Variants in GRIN2B observed in about 807,000 individuals in gnomAD.
GRIN2B encodes glutamate ionotropic receptor NMDA type subunit 2B.
Under a neutral mutation model 114.5 loss-of-function variants are expected in GRIN2B, and 5 were observed. The ratio of observed to expected loss-of-function variants is 0.04; its 90% confidence interval spans 0.02 to 0.09. The LOEUF (loss-of-function observed/expected upper bound fraction) is 0.09. GRIN2B is among the 10% of genes least tolerant of loss of function. GRIN2B has a pLI of 1.00. For missense variants in GRIN2B, 1,108 were observed against 1,943.5 expected, an observed-to-expected ratio of 0.57 and a Z score of 8.08; for synonymous variants, 787 against 745.1, an observed-to-expected ratio of 1.06 and a Z score of -0.92.
intron 3 of GRIN2B, among the ~76,000 whole-genome samples, chr12:13,808,154 G>A (rs767285313): frequency 1.1e-4 from 16 of 151,874 alleles, no homozygotes; most frequent in Non-Finnish European, 1.8e-4. Flanking sequence ...GGACAATAGC[G>A]GACATTCTCT....
At chr12:13,833,703 G>T (rs1865195434) in intron 3 of GRIN2B, among the ~76,000 whole-genome samples, 1 of 152,138 alleles carries the variant, frequency 6.6e-6, no homozygotes, top group African/African-American at 2.4e-5. Flanking sequence ...AACCGAAGGG[G>T]CTCAACAGCC....
intron 2 of GRIN2B, among the ~76,000 whole-genome samples, chr12:13,878,381 C>T (rs1374021240): frequency 6.6e-6 from 1 of 152,204 alleles, no homozygotes; most frequent in African/African-American, 2.4e-5. Context: ...GAAATTGCTC[C>T]CACCTTCCTC....
intron 2 of GRIN2B, among the ~76,000 whole-genome samples, chr12:13,942,604 T>C (rs911540621): frequency 6.6e-6 from 1 of 152,234 alleles, no homozygotes; most frequent in Admixed American, 6.5e-5. Context: ...AATTAATTAA[T>C]GATATCCTAA....
intron 3 of GRIN2B, among the ~76,000 whole-genome samples, chr12:13,777,876 T>A (rs913004113): frequency 6.6e-6 from 1 of 152,240 alleles, no homozygotes; most frequent in African/African-American, 2.4e-5. Context: ...CTAAATTTTT[T>A]ACAATATCTG....
intron 2 of GRIN2B, among the ~76,000 whole-genome samples, chr12:13,912,287 G>A (rs1866638700): frequency 6.6e-6 from 1 of 152,242 alleles, no homozygotes; most frequent in South Asian, 2.1e-4. Context: ...AGCAGAGAGA[G>A]AGAAGCAAAA....
intron 5 of GRIN2B, among the ~76,000 whole-genome samples, chr12:13,654,739 A>C (rs549063754): frequency 6.6e-6 from 1 of 152,242 alleles, no homozygotes; most frequent in African/African-American, 2.4e-5. Flanking sequence ...TGCTCTTCTC[A>C]GGTGGTATTG....
intron 10 of GRIN2B, among the ~76,000 whole-genome samples, chr12:13,578,102 T>C (rs1948801562): frequency 6.6e-6 from 1 of 152,186 alleles, no homozygotes; most frequent in African/African-American, 2.4e-5. Flanking sequence ...CAATCTTTTG[T>C]AGAGATAAGG....
intron 3 of GRIN2B, among the ~76,000 whole-genome samples, chr12:13,764,196 A>AAG (rs1863733746): frequency 6.6e-6 from 1 of 152,090 alleles, no homozygotes; most frequent in East Asian, 1.9e-4. Flanking sequence ...AAAAAAAAAA[A>AAG]AAAAGGATAT....
intron 11 of GRIN2B, 61 bp from the exon 12 acceptor site, chr12:13,570,078 G>T: frequency 8.7e-7 from 1 of 1,147,326 alleles, no homozygotes; most frequent in Non-Finnish European, 1.3e-6. Context: ...CTACCTGTGG[G>T]GCCATTAATA....
At position 13,837,839 on chromosome 12, in the gene GRIN2B, G is replaced by A. The variant is rs189967361; in HGVS notation, c.411+27959C>T. On this transcript the variant is annotated intron_variant, in intron 3 of 13. Coordinates refer to ENST00000609686, the MANE Select transcript of GRIN2B (RefSeq NM_000834.5). ...ATTTATTTGGGATGGCTGCTATGGT[G>A]TGGGGAGAGGAAGGGGTTATAGCTG... Among the ~76,000 whole-genome samples, 309 of 152,312 alleles carry A rather than the reference G, an allele frequency of 2.0e-3. 4 individuals are homozygous for A. Among genetic ancestry groups the A allele is most frequent in the Middle Eastern group, 0.01 (3 of 294 alleles).
chr12:13,594,956 C>T (rs112969010), intron 10 of GRIN2B, among the ~76,000 whole-genome samples: 10 of 152,268 alleles, frequency 6.6e-5, no homozygotes, highest in African/African-American at 2.4e-4. Flanking sequence ...GGAAATGCCC[C>T]TTACTACTGC....
chr12:13,739,374 C>CAAAAAAAAAAAAAAAAAAAAA (rs34320563), intron 4 of GRIN2B, among the ~76,000 whole-genome samples: 4 of 59,364 alleles, frequency 6.7e-5, no homozygotes, highest in Non-Finnish European at 1.1e-4. Flanking sequence ...AACTCCGTCT[C>CAAAAAAAAAAAAAAAAAAAAA]AAAAAAAAAA....
chr12:13,720,268 C>CT (rs1385895577), intron 4 of GRIN2B, among the ~76,000 whole-genome samples: 25 of 152,128 alleles, frequency 1.6e-4, no homozygotes, highest in Admixed American at 3.3e-4. Context: ...ACCAAGCAGT[C>CT]TTTTTCTTAC....
intron 5 of GRIN2B, among the ~76,000 whole-genome samples, chr12:13,657,939 C>T (rs901099961): frequency 6.6e-6 from 1 of 152,122 alleles, no homozygotes; most frequent in African/African-American, 2.4e-5. Context: ...GGCACAGTGG[C>T]TTACGCCTGT....
At chr12:13,852,051 A>G (rs1388083049) in intron 3 of GRIN2B, among the ~76,000 whole-genome samples, 2 of 152,202 alleles carry the variant, frequency 1.3e-5, no homozygotes, top group East Asian at 1.9e-4. Flanking sequence ...CTTGCTCCCT[A>G]CTACTCTGGA....
intron 13 of GRIN2B, among the ~76,000 whole-genome samples, chr12:13,566,463 C>G (rs1301389400): frequency 6.6e-6 from 1 of 152,162 alleles, no homozygotes; most frequent in African/African-American, 2.4e-5. Context: ...AAAGAATGAC[C>G]TAAGAGTTTT....
chr12:13,537,495 A>G lies in GRIN2B; in HGVS notation c.*25288T>C, dbSNP rs1192306337. On this transcript the variant is annotated 3_prime_UTR_variant, in exon 14 of 14. Transcript: ENST00000609686. Reference sequence around the variant, plus strand: ...CCGTTATGTCCATTCTTCAGCTCCAAATGGAAGAGGAAAGAGGTCCTGGAG... The same window carrying G: ...CCGTTATGTCCATTCTTCAGCTCCAGATGGAAGAGGAAAGAGGTCCTGGAG... 1 of 152,138 alleles carries G rather than the reference A, an allele frequency of 6.6e-6. No homozygotes were observed. Among genetic ancestry groups the G allele is most frequent in the East Asian group, 1.9e-4 (1 of 5,170 alleles). 9.4% of individuals were successfully genotyped at this position (152,138 alleles called of 1,614,324 possible).
chr12:13,963,309 T>C (rs980033184), intron 2 of GRIN2B, among the ~76,000 whole-genome samples: 35 of 152,282 alleles, frequency 2.3e-4, no homozygotes, highest in Non-Finnish European at 3.7e-4. Context: ...CTCGGTTTCA[T>C]ACACTTTACT....
At chr12:13,667,781 C>T (rs901643822) in intron 5 of GRIN2B, among the ~76,000 whole-genome samples, 1 of 151,876 alleles carries the variant, frequency 6.6e-6, no homozygotes, top group Non-Finnish European at 1.5e-5. Flanking sequence ...ACAGAATGCA[C>T]AGAAAAAAAA....
Sources: gnomAD v4.1 joint callset for allele counts (sites outside exome capture counted in the v4.1 genomes callset) on GRCh38, gnomAD v4.1.1 for gene constraint, MANE v1.5 for transcripts, NCBI Gene and HGNC (gene_info 2026-07-23, HGNC 2026-07-21) for gene names.